Variants in IPO9 observed in about 807,000 individuals in gnomAD.
IPO9 encodes importin-9.
IPO9 carries 28 observed loss-of-function variants against 128.6 expected under a neutral mutation model. That is an observed-to-expected ratio of 0.22 (90% CI 0.16 to 0.30). The LOEUF is 0.30. Among genes scored for constraint, IPO9 ranks in the 10% least tolerant of loss-of-function variants. IPO9 has a pLI of 1.00. For missense variants in IPO9, 935 were observed against 1,293.9 expected (o/e 0.72, Z 4.26); for synonymous variants, 455 against 475.8 (o/e 0.96, Z 0.57).
chr1:201,829,856 C>T lies in IPO9; in HGVS notation c.163+484C>T, dbSNP rs148489331. ...TTAATAGATGTCATCAAACAAGTTT[C>T]TGCCTCTGAGTTATAAACCTAGCTA... is the stretch of plus-strand genomic sequence containing the variant. On this transcript the variant is annotated intron_variant, in intron 1 of 23. Coordinates refer to ENST00000361565, the MANE Select transcript of IPO9 (RefSeq NM_018085.5). Among the ~76,000 whole-genome samples, 903 of 152,324 alleles carry T rather than the reference C, an allele frequency of 5.9e-3. 10 individuals carry two copies. Among genetic ancestry groups the T allele is most frequent in the African/African-American group, 0.021 (867 of 41,564 alleles).
chr1:201,865,728 G>A (rs186816581), intron 14 of IPO9, among the ~76,000 whole-genome samples: 51 of 151,962 alleles, frequency 3.4e-4, no homozygotes, highest in African/African-American at 1.1e-3. Context: ...GACTGTATTC[G>A]CCTCATTTCA....
intron 15 of IPO9, 95 bp from the exon 16 acceptor site, chr1:201,868,553 T>C: frequency 7.3e-7 from 1 of 1,369,590 alleles, no homozygotes; most frequent in South Asian, 1.4e-5. Context: ...CAGAAGTTGT[T>C]AACTTAGGTT....
chr1:201,848,357 C>A (rs1680157522), intron 3 of IPO9, 36 bp from the exon 4 acceptor site: 2 of 1,580,048 alleles, frequency 1.3e-6, no homozygotes, highest in African/African-American at 1.3e-5. Flanking sequence ...CACTTTTAAC[C>A]TGATCTAATA....
Position 201,870,562 on chromosome 1 carries a change from T to C in IPO9, c.2134-21T>C. The stretch of plus-strand genomic sequence containing the variant: ...TCTGTCCCTCGATTACTAATCTTGC[T>C]TGCCACCCCTGTCTCCCCAGAATGG... On this transcript the variant is annotated intron_variant, in intron 17 of 23. Coordinates refer to ENST00000361565, the MANE Select transcript of IPO9 (RefSeq NM_018085.5). The surrounding 1 kb of genome is among the most constrained non-coding windows in gnomAD (Gnocchi z 4.9). 1 of 1,603,606 alleles carries C rather than the reference T, an allele frequency of 6.2e-7. No individual in the cohort carries two copies. The highest frequency in any genetic ancestry group is 8.5e-7 in the Non-Finnish European group (1 of 1,172,452).
chr1:201,863,152 A>G (rs867962567), intron 13 of IPO9, among the ~76,000 whole-genome samples: 12 of 152,226 alleles, frequency 7.9e-5, no homozygotes, highest in Middle Eastern at 3.4e-3. Context: ...AGAGTTTGAG[A>G]CCAGCCTGGC....
At chr1:201,875,857 C>T in intron 23 of IPO9, 87 bp from the exon 24 acceptor site, 1 of 812,394 alleles carries the variant, frequency 1.2e-6, no homozygotes, top group Non-Finnish European at 2.1e-6. Flanking sequence ...ACCAGCATTC[C>T]CTGTGCCATT....
At chr1:201,850,608 C>T (rs1487406452) in intron 4 of IPO9, 1 of 152,078 alleles carries the variant, frequency 6.6e-6, no homozygotes, top group Non-Finnish European at 1.5e-5. Flanking sequence ...TGCTGAATCA[C>T]CTCAGAAAAC....
At chr1:201,840,154 G>A (rs1022703983) in intron 1 of IPO9, among the ~76,000 whole-genome samples, 10 of 152,136 alleles carry the variant, frequency 6.6e-5, no homozygotes, top group African/African-American at 2.4e-4. Context: ...CAGTGGCACA[G>A]TCCCTCCTCA....
chr1:201,873,994 T>C (rs566229708), intron 20 of IPO9, among the ~76,000 whole-genome samples: 2 of 152,348 alleles, frequency 1.3e-5, no homozygotes, highest in African/African-American at 4.8e-5. Context: ...TTCCTTGGTT[T>C]CAGAGCTTTA....
rs1468112677 is a variant in IPO9, at chr1:201,880,533, T to TA, written c.*4480dup. 6.6e-6 allele frequency: 1 copy of TA among 152,208 alleles called. No individual in the cohort carries two copies. The highest frequency in any genetic ancestry group is 2.4e-5 in the African/African-American group (1 of 41,454). 9.4% of individuals were successfully genotyped at this position (152,208 alleles called of 1,614,324 possible). On this transcript the variant is annotated 3_prime_UTR_variant, in exon 24 of 24. Transcript: ENST00000361565. ...TTCAAGGATGGTCCAGTGAAATACA[T>TA]ACTATACTTTTGCACCCCAGCTAAG...
chr1:201,850,427 A>G (rs747730107), intron 4 of IPO9: 3 of 152,200 alleles, frequency 2.0e-5, no homozygotes, highest in African/African-American at 4.8e-5. Flanking sequence ...GAGGCTTCCT[A>G]TTAAACTTAT....
chr1:201,870,728 C>T lies in IPO9; in HGVS notation c.2279C>T (p.Ala760Val). 5 of 1,614,216 alleles carry T rather than the reference C, an allele frequency of 3.1e-6. No homozygotes were observed. Among genetic ancestry groups the T allele is most frequent in the Non-Finnish European group, 4.2e-6 (5 of 1,180,032 alleles). The change falls in exon 18 of 24, where the codon GCG becomes GTG. Residue 760 changes from alanine (A) to valine (V), a missense_variant. Coordinates refer to ENST00000361565, the MANE Select transcript of IPO9 (RefSeq NM_018085.5). This position sits in a 1 kb window ranked among gnomAD's most constrained non-coding sequence, Gnocchi z 4.9. ...GACCCCCGCACCTCAGAGTTCACTG[C>T]GGCCTTTGTGGGCCGCCTTGTTTCC... is the stretch of plus-strand genomic sequence containing the variant. ...LLDPRTSEFT[A>V]AFVGRLVSTL...
chr1:201,857,049 A>G (rs113701247), intron 10 of IPO9, 47 bp from the exon 11 acceptor site: 4 of 1,129,090 alleles, frequency 3.5e-6, no homozygotes, highest in East Asian at 4.7e-5. Context: ...ATGAAAAGCT[A>G]TGAATCAGAT....
rs10646458 is a variant in IPO9 at position 201,831,885 on chromosome 1, TTTGTTGTTGTTG to T, written c.163+2534_163+2545del. On this transcript the variant is annotated intron_variant, in intron 1 of 23. Coordinates refer to ENST00000361565, the MANE Select transcript of IPO9 (RefSeq NM_018085.5). ...GCTTCACATTTTAGTGTTTTTTGCT[TTTGTTGTTGTTG>T]TTGTTGTTGTTGTTGTTGTTTTGAG... 8.6e-5 allele frequency among the ~76,000 whole-genome samples: 13 copies of T among 150,698 alleles called. No homozygotes were observed. In the East Asian group the frequency reaches 9.9e-4, roughly 11 times the overall value.
At chr1:201,873,880 G>A (rs1381718610) in intron 20 of IPO9, among the ~76,000 whole-genome samples, 1 of 152,200 alleles carries the variant, frequency 6.6e-6, no homozygotes, top group Non-Finnish European at 1.5e-5. Flanking sequence ...CCAATGATTT[G>A]CAGGTAGGGA....
chr1:201,862,725 G>C (rs1412285205), intron 13 of IPO9, among the ~76,000 whole-genome samples: 2 of 150,964 alleles, frequency 1.3e-5, no homozygotes, highest in Admixed American at 1.3e-4. Flanking sequence ...AGAATCACTT[G>C]AACCAGGGAG....
In IPO9 at chr1:201,875,961, C is replaced by T; in HGVS notation, c.3033C>T (p.Phe1011=). The change falls in exon 24 of 24, where the codon TTC becomes TTT. Residue 1011 remains phenylalanine, a synonymous_variant. Coordinates refer to ENST00000361565, the MANE Select transcript of IPO9 (RefSeq NM_018085.5). ...TCCTCCAGGCATATCTCACAGATTT[C>T]CTCTGCCAGTTTGCTCAGCAGCCCT... is the stretch of plus-strand genomic sequence containing the variant. ...QIDLQAYLTD[F]LCQFAQQPCY... The T allele has an allele frequency of 1.9e-6, 3 of 1,610,784 alleles. No individual in the cohort carries two copies. The highest frequency in any genetic ancestry group is 2.5e-6 in the Non-Finnish European group (3 of 1,176,948).
At chr1:201,834,413 T>TA (rs1679889516) in intron 1 of IPO9, among the ~76,000 whole-genome samples, 1 of 152,164 alleles carries the variant, frequency 6.6e-6, no homozygotes, top group Non-Finnish European at 1.5e-5. Flanking sequence ...TTGTCTGACT[T>TA]ACGGTGAGAT....
rs184220402 is a variant in IPO9 at position 201,874,765 on chromosome 1, A to G, written c.2834-67A>G. 2.0e-4 allele frequency: 220 copies of G among 1,103,382 alleles called. 2 individuals carry two copies. Among genetic ancestry groups the G allele is most frequent in the Middle Eastern group, 1.2e-3 (5 of 4,022 alleles). 68.3% of individuals were successfully genotyped at this position (1,103,382 alleles called of 1,614,324 possible). Reference sequence around the variant, plus strand: ...CTTTGGGGCCCTTCTATTCTGGCCTATTTGGATTTGGGGAGGGAAAATGCA... The same window carrying G: ...CTTTGGGGCCCTTCTATTCTGGCCTGTTTGGATTTGGGGAGGGAAAATGCA... On this transcript the variant is annotated intron_variant, in intron 21 of 23. Transcript: ENST00000361565.
Sources: allele counts gnomAD v4.1 joint callset (sites outside exome capture counted in the v4.1 genomes callset), GRCh38; gene constraint gnomAD v4.1.1; non-coding constraint Gnocchi (gnomAD v3.1); transcripts MANE v1.5; gene names NCBI Gene and HGNC (gene_info 2026-07-23, HGNC 2026-07-21).